Variants in SMIM17 observed in about 807,000 individuals in gnomAD.
SMIM17 encodes the protein small integral membrane protein 17.
SMIM17 carries 10 observed loss-of-function variants against 12.2 expected under a neutral mutation model. The observed-to-expected ratio is 0.82, with a 90% CI of 0.50 to 1.39. The LOEUF is 1.39. Ranked by LOEUF, SMIM17 falls within the 40% of genes most tolerant of loss-of-function variation. The probability of loss-of-function intolerance (pLI) is 0.00; values close to 1 mark genes in which losing one functional copy is unlikely to be tolerated. For synonymous variants in SMIM17, 50 were observed against 44.1 expected (o/e 1.13, Z -0.53); for missense variants, 136 against 118.2 (o/e 1.15, Z -0.70).
At chr19:56,650,827 G>A (rs1398687413) in intron 3 of SMIM17, among the ~76,000 whole-genome samples, 1 of 152,222 alleles carries the variant, frequency 6.6e-6, no homozygotes, top group Admixed American at 6.5e-5. Context: ...CTCCAGCATA[G>A]GGATCAAGGA....
chr19:56,646,523 AG>A lies in SMIM17; in HGVS notation c.169+689del, dbSNP rs148785360. ...TGCTGATAAACGTCCTACCATGCAC[AG>A]GACGGACCCTCCCCCCACAGAAAGA... On this transcript the variant is annotated intron_variant, in intron 2 of 3. Transcript: ENST00000598409. Among the ~76,000 whole-genome samples, 1,491 of 152,286 alleles carry A rather than the reference AG, an allele frequency of 9.8e-3. 25 individuals carry two copies. The highest frequency in any genetic ancestry group is 0.034 in the African/African-American group (1,402 of 41,572).
At position 56,651,100 on chromosome 19, in the gene SMIM17, C is replaced by T. The variant is rs187779465; in HGVS notation, c.246+3466C>T. 2.6e-5 allele frequency among the ~76,000 whole-genome samples: 4 copies of T among 152,296 alleles called. No individual in the cohort carries two copies. In the East Asian group the frequency reaches 7.7e-4, roughly 29 times the overall value. ...GAGCGGGCTGTCTGGAACCAGAGAC[C>T]TTTGATGACAGTTACAGCCTCATTA... On this transcript the variant is annotated intron_variant, in intron 3 of 3. Transcript: ENST00000598409.
chr19:56,655,329 C>A lies in SMIM17; in HGVS notation c.*116C>A. 1.9e-6 allele frequency: 1 copy of A among 520,332 alleles called. No homozygotes were observed. The highest frequency in any genetic ancestry group is 3.4e-6 in the Non-Finnish European group (1 of 290,464). 32.2% of individuals were successfully genotyped at this position (520,332 alleles called of 1,614,324 possible). On this transcript the variant is annotated 3_prime_UTR_variant, in exon 4 of 4. Transcript: ENST00000598409. Reference sequence around the variant, plus strand: ...ATAGGTGTTGAATATTTTCAAATGCCTTTCAAACATCCTTTGAGATGATTT... The same window carrying A: ...ATAGGTGTTGAATATTTTCAAATGCATTTCAAACATCCTTTGAGATGATTT...
intron 1 of SMIM17, among the ~76,000 whole-genome samples, chr19:56,643,426 C>G (rs1196145268): frequency 1.3e-5 from 2 of 152,128 alleles, no homozygotes; most frequent in Non-Finnish European, 2.9e-5. Context: ...CTGTCGGGGT[C>G]GGGTCTGTTT....
chr19:56,643,737 T>C (rs890755854), intron 1 of SMIM17, among the ~76,000 whole-genome samples: 40 of 152,320 alleles, frequency 2.6e-4, no homozygotes, highest in African/African-American at 9.4e-4. Context: ...TTCTGAGCTG[T>C]GTGGCTTTGA....
chr19:56,652,662 GAAAA>G (rs138292961), intron 3 of SMIM17, among the ~76,000 whole-genome samples: 1 of 145,274 alleles, frequency 6.9e-6, no homozygotes, highest in Non-Finnish European at 1.5e-5. Flanking sequence ...TCAAAAAAAA[GAAAA>G]AAAAAAGAGA....
chr19:56,655,102 G>C lies in SMIM17; in HGVS notation c.247-1G>C, dbSNP rs1035435468. ...TATCCTTTTCCTTTTTTCTGTTTCA[G>C]GGCTTTGTGGAGTGGTCAAAAGCTC... On this transcript the variant is annotated splice_acceptor_variant, in intron 3 of 3. Transcript: ENST00000598409. LOFTEE classifies it high-confidence loss of function. 56 of 683,902 alleles carry C rather than the reference G, an allele frequency of 8.2e-5. 1 individual carries two copies. In the Admixed American group the frequency reaches 1.1e-3, roughly 13 times the overall value. 42.4% of individuals were successfully genotyped at this position (683,902 alleles called of 1,614,324 possible).
At chr19:56,651,408 G>A (rs553313771) in intron 3 of SMIM17, among the ~76,000 whole-genome samples, 68 of 152,240 alleles carry the variant, frequency 4.5e-4, no homozygotes, top group African/African-American at 1.6e-3. Flanking sequence ...AGGAGTGAGT[G>A]AAGAAGTGGA....
At chr19:56,643,602 G>A (rs2045040576) in intron 1 of SMIM17, among the ~76,000 whole-genome samples, 1 of 152,132 alleles carries the variant, frequency 6.6e-6, no homozygotes, top group South Asian at 2.1e-4. Flanking sequence ...GGTGTTCAGC[G>A]CACCTGCCCG....
chr19:56,652,340 C>A (rs1488315944), intron 3 of SMIM17, among the ~76,000 whole-genome samples: 2 of 151,764 alleles, frequency 1.3e-5, no homozygotes, highest in Non-Finnish European at 2.9e-5. Context: ...GCAAGGGAAC[C>A]CTGGAATGTG....
intron 3 of SMIM17, among the ~76,000 whole-genome samples, chr19:56,652,631 G>A (rs1180867407): frequency 6.6e-6 from 1 of 150,534 alleles, no homozygotes; most frequent in South Asian, 2.1e-4. Context: ...CAGCCTGGGC[G>A]ATACAGCGAG....
chr19:56,649,685 G>C (rs1312830951), intron 3 of SMIM17, among the ~76,000 whole-genome samples: 1 of 152,132 alleles, frequency 6.6e-6, no homozygotes, highest in Non-Finnish European at 1.5e-5. Context: ...AAGGCCCTGA[G>C]GTACAGATGT....
At chr19:56,654,257 G>A (rs1000133054) in intron 3 of SMIM17, among the ~76,000 whole-genome samples, 1 of 152,218 alleles carries the variant, frequency 6.6e-6, no homozygotes, top group South Asian at 2.1e-4. Flanking sequence ...GGCATGCATA[G>A]TGCAGGGTTA....
intron 3 of SMIM17, among the ~76,000 whole-genome samples, chr19:56,651,732 G>A (rs1006511875): frequency 1.3e-5 from 2 of 152,070 alleles, no homozygotes; most frequent in African/African-American, 4.8e-5. Context: ...TACATGGTGT[G>A]TTCACCTTCT....
At chr19:56,648,907 A>C (rs527921674) in intron 3 of SMIM17, among the ~76,000 whole-genome samples, 1 of 152,218 alleles carries the variant, frequency 6.6e-6, no homozygotes, top group Non-Finnish European at 1.5e-5. Context: ...CAGTGAGCAC[A>C]TGAGAGTCCC....
In SMIM17 at chr19:56,643,807, G is replaced by C. The variant is rs558177410; in HGVS notation, c.-101+597G>C. 3.9e-5 allele frequency among the ~76,000 whole-genome samples: 6 copies of C among 152,320 alleles called. No homozygotes were observed. The East Asian group carries it at 1.2e-3, about 29-fold the overall frequency. On this transcript the variant is annotated intron_variant, in intron 1 of 3. Transcript: ENST00000598409. ...AATAGTATCTGTAGCGAGAAGTATG[G>C]CCACCTTTATGTGAGAAAAGGGATT... is the stretch of plus-strand genomic sequence containing the variant.
At chr19:56,653,163 A>T (rs2045122692) in intron 3 of SMIM17, among the ~76,000 whole-genome samples, 2 of 152,106 alleles carry the variant, frequency 1.3e-5, no homozygotes, top group African/African-American at 4.8e-5. Flanking sequence ...ACATTCTCTT[A>T]TTTTCCCTTC....
rs4462709 is a variant in SMIM17, at chr19:56,649,083, A to T, written c.246+1449A>T. Among the ~76,000 whole-genome samples, 271 of 152,168 alleles carry T rather than the reference A, an allele frequency of 1.8e-3. 3 individuals are homozygous for T. Among genetic ancestry groups the T allele is most frequent in the Non-Finnish European group, 2.4e-4 (16 of 68,002 alleles). ...CACAGTGGAGTGGCCCAAAGGAAGA[A>T]GTTAACTGCATGCCAGGAGGTTTAT... On this transcript the variant is annotated intron_variant, in intron 3 of 3. Transcript: ENST00000598409.
chr19:56,650,972 G>T (rs943929096), intron 3 of SMIM17, among the ~76,000 whole-genome samples: 1 of 152,182 alleles, frequency 6.6e-6, no homozygotes, highest in Non-Finnish European at 1.5e-5. Context: ...CACACCAGGG[G>T]GCTGATAGGG....
Sources: allele counts gnomAD v4.1 joint callset (sites outside exome capture counted in the v4.1 genomes callset), GRCh38; gene constraint gnomAD v4.1.1; transcripts MANE v1.5; gene names NCBI Gene and HGNC (gene_info 2026-07-23, HGNC 2026-07-21).